NAALADL1: variants seen among roughly 807,000 people sequenced by gnomAD.
NAALADL1 encodes aminopeptidase NAALADL1.
In NAALADL1, 77 loss-of-function variants were observed where a neutral mutation model predicts 82.8. The observed-to-expected ratio is 0.93, with a 90% CI of 0.77 to 1.12. The LOEUF is 1.12. Ranked by LOEUF, NAALADL1 falls within the 50% of genes most tolerant of loss-of-function variation. The pLI is 0.00. For missense variants in NAALADL1, 956 were observed against 964.0 expected (o/e 0.99, Z 0.11); for synonymous variants, 358 against 399.2 (o/e 0.90, Z 1.23).
chr11:65,057,740 G>A (rs1413005695), intron 3 of NAALADL1, 135 bp downstream of exon 3: 1 of 1,373,572 alleles, frequency 7.3e-7, no homozygotes, highest in African/African-American at 1.4e-5. Flanking sequence ...GAGCAGCGAT[G>A]GAGTGTCCCG....
intron 4 of NAALADL1, among the ~76,000 whole-genome samples, chr11:65,055,109 C>T (rs1366048278): frequency 6.6e-6 from 1 of 152,208 alleles, no homozygotes; most frequent in Non-Finnish European, 1.5e-5. Context: ...TGGGCTGTAA[C>T]ATACAATGGA....
At chr11:65,045,561 A>T in intron 17 of NAALADL1, 104 bp from the exon 18 acceptor site, 2 of 1,247,972 alleles carry the variant, frequency 1.6e-6, no homozygotes, top group South Asian at 1.6e-5. Flanking sequence ...CGAGGCAGAA[A>T]AGCACCCCCG....
intron 4 of NAALADL1, among the ~76,000 whole-genome samples, chr11:65,056,321 C>T (rs538835497): frequency 4.6e-5 from 7 of 152,240 alleles, no homozygotes; most frequent in East Asian, 1.9e-4. Flanking sequence ...CTGACAAATC[C>T]GAAACTCGGT....
At position 65,058,218 on chromosome 11, in the gene NAALADL1, C is replaced by T; in HGVS notation, c.218G>A (p.Ser73Asn). 6.2e-7 allele frequency: 1 copy of T among 1,613,668 alleles called. No homozygotes were observed. The highest frequency in any genetic ancestry group is 8.5e-7 in the Non-Finnish European group (1 of 1,179,778). ...ELSREPHLAS[S>N]PRDEDLVQLL... The stretch of plus-strand genomic sequence containing the variant: ...CTGCACCAGGTCCTCATCCCGAGGG[C>T]TGGAGGCCAGGTGTGGCTCCCTGGA... Residue 73 changes from serine to asparagine, a missense_variant, in exon 2 of 18, where the codon AGC (serine) becomes AAC (asparagine). By Grantham distance (46) the Ser-to-Asn change is conservative (BLOSUM62 1). Transcript: ENST00000358658.
intron 8 of NAALADL1, among the ~76,000 whole-genome samples, chr11:65,052,564 G>A (rs902932503): frequency 2.0e-5 from 3 of 152,006 alleles, no homozygotes; most frequent in Non-Finnish European, 2.9e-5. Context: ...TGCCTGCCTC[G>A]GCCTCCCAGA....
Position 65,054,766 on chromosome 11 carries a change from A to T in NAALADL1, c.604-28T>A. 1 of 1,606,016 alleles carries T rather than the reference A, an allele frequency of 6.2e-7. No homozygotes were observed. The highest frequency in any genetic ancestry group is 8.5e-7 in the Non-Finnish European group (1 of 1,175,980). On this transcript the variant is annotated intron_variant, in intron 4 of 17. Transcript: ENST00000358658. This position sits in a 1 kb window ranked among gnomAD's most constrained non-coding sequence, Gnocchi z 4.3. The stretch of plus-strand genomic sequence containing the variant: ...GCAGTGGGCAGAGGAGGCTGTGTGT[A>T]AGGGAGGGACCGGGACCAGATATGT...
chr11:65,059,249 G>A (rs1393285311), upstream of NAALADL1, among the ~76,000 whole-genome samples: 1 of 152,130 alleles, frequency 6.6e-6, no homozygotes, highest in Non-Finnish European at 1.5e-5. Context: ...CTGATCTCAG[G>A]TGATCACCCG....
intron 4 of NAALADL1, among the ~76,000 whole-genome samples, chr11:65,055,208 A>G (rs1947005606): frequency 1.3e-5 from 2 of 152,220 alleles, no homozygotes; most frequent in African/African-American, 4.8e-5. Flanking sequence ...CCTGAGGTCA[A>G]GACCAGCAGG....
chr11:65,051,080 A>G (rs554451491), intron 8 of NAALADL1, among the ~76,000 whole-genome samples: 3 of 152,082 alleles, frequency 2.0e-5, no homozygotes, highest in Non-Finnish European at 2.9e-5. Flanking sequence ...CTATTTTTAC[A>G]TCTCTGTAAG....
chr11:65,058,034 A>G, intron 2 of NAALADL1, 38 bp from the exon 3 acceptor site: 1 of 1,613,570 alleles, frequency 6.2e-7, no homozygotes, highest in Non-Finnish European at 8.5e-7. Context: ...TGGGCCCAGC[A>G]GCTCCCCACC....
rs887909264 is a variant in NAALADL1, at chr11:65,058,451, C to T, written c.71G>A (p.Gly24Asp). The T allele has an allele frequency of 6.2e-7, 1 of 1,613,910 alleles. No individual in the cohort carries two copies. Among genetic ancestry groups the T allele is most frequent in the Non-Finnish European group, 8.5e-7 (1 of 1,179,910 alleles). Reference protein sequence around the residue: ...AALLGLGIILGHFAIPKKANS... With the variant: ...AALLGLGIILDHFAIPKKANS... Reference sequence around the variant, plus strand: ...GGCTTTTTTGGGGATGGCAAAGTGGCCGAGGATGATCCCCAGCCCCAAGAG... The same window carrying T: ...GGCTTTTTTGGGGATGGCAAAGTGGTCGAGGATGATCCCCAGCCCCAAGAG... Residue 24 changes from glycine (G) to aspartate (D), a missense_variant, in exon 1 of 18, where the codon GGC becomes GAC. Transcript: ENST00000358658.
At chr11:65,045,735 C>T (rs933292147) in intron 17 of NAALADL1, 87 bp downstream of exon 17, 2 of 1,324,512 alleles carry the variant, frequency 1.5e-6, no homozygotes, top group African/African-American at 1.5e-5. Flanking sequence ...CTCTAAAGGG[C>T]AGAGAAGCTG....
At chr11:65,046,422 A>G in intron 14 of NAALADL1, 23 bp downstream of exon 14, 1 of 1,614,208 alleles carries the variant, frequency 6.2e-7, no homozygotes, top group Admixed American at 1.7e-5. Context: ...TGGTCTCAGG[A>G]TGCCCCTTGT....
rs1946959842 is a variant in NAALADL1 at position 65,053,830 on chromosome 11, C to A, written c.993-254G>T. 6.6e-6 allele frequency among the ~76,000 whole-genome samples: 1 copy of A among 152,148 alleles called. No homozygotes were observed. Among genetic ancestry groups the A allele is most frequent in the East Asian group, 1.9e-4 (1 of 5,170 alleles). ...AGATGTGGACCTGGTTCTCGTGGGG[C>A]CTCCCTCTCCTGAGTGAGACAGACC... On this transcript the variant is annotated intron_variant, in intron 6 of 17. Coordinates refer to ENST00000358658, the MANE Select transcript of NAALADL1 (RefSeq NM_005468.3). The surrounding 1 kb of genome is among the most constrained non-coding windows in gnomAD (Gnocchi z 4.3).
intron 11 of NAALADL1, 65 bp downstream of exon 11, chr11:65,047,916 G>GAGAC: frequency 1.7e-6 from 1 of 574,494 alleles, no homozygotes; most frequent in Non-Finnish European, 2.7e-6. Flanking sequence ...CACCCGTAGC[G>GAGAC]GCCCCGTCCG....
Position 65,058,121 on chromosome 11 carries a change from C to A in NAALADL1, c.315G>T (p.Leu105=). ...GCTGCTCCTGGCTAGGGAAGGACAG[C>A]AGCACTTCGTACGTGGAGGCCTCGG... ...DSAEASTYEV[L]LSFPSQEQPN... is the part of the protein sequence containing the mutation. Residue 105 remains leucine, a synonymous_variant, in exon 2 of 18, where the codon CTG becomes CTT. Transcript: ENST00000358658. 1 of 1,613,386 alleles carries A rather than the reference C, an allele frequency of 6.2e-7. No individual in the cohort carries two copies. The highest frequency in any genetic ancestry group is 1.7e-5 in the Admixed American group (1 of 59,984).
In NAALADL1 at chr11:65,053,238, A is replaced by G. The variant is rs1420747831; in HGVS notation, c.1178T>C (p.Leu393Pro). 6.4e-7 allele frequency: 1 copy of G among 1,550,510 alleles called. No homozygotes were observed. The highest frequency in any genetic ancestry group is 8.7e-7 in the Non-Finnish European group (1 of 1,147,094). ...CTCACCCTTCTTCAGCAGGGTCCCCAGGACACGGGAGAGCTCCAGGAGGAC... is the reference window on the plus strand; with the variant it reads ...CTCACCCTTCTTCAGCAGGGTCCCCGGGACACGGGAGAGCTCCAGGAGGAC... ...TAVLLELSRVLGTLLKKGTWR... is the reference protein window; with the variant it reads ...TAVLLELSRVPGTLLKKGTWR... The change falls in exon 8 of 18, where the codon CTG becomes CCG. Residue 393 changes from leucine (L) to proline (P), a missense_variant. Coordinates refer to ENST00000358658, the MANE Select transcript of NAALADL1 (RefSeq NM_005468.3). This position sits in a 1 kb window ranked among gnomAD's most constrained non-coding sequence, Gnocchi z 4.3.
intron 8 of NAALADL1, among the ~76,000 whole-genome samples, chr11:65,049,183 G>A (rs952729018): frequency 6.6e-6 from 1 of 152,104 alleles, no homozygotes. Context: ...ACCGCGCCTG[G>A]CTGATTACTG....
chr11:65,051,581 C>T (rs1275426484), intron 8 of NAALADL1, among the ~76,000 whole-genome samples: 1 of 151,956 alleles, frequency 6.6e-6, no homozygotes, highest in African/African-American at 2.4e-5. Flanking sequence ...ATCCGCCCAC[C>T]TCAGCCTTCG....
Sources: allele counts gnomAD v4.1 joint callset (sites outside exome capture counted in the v4.1 genomes callset), GRCh38; gene constraint gnomAD v4.1.1; non-coding constraint Gnocchi (gnomAD v3.1); transcripts MANE v1.5; gene names NCBI Gene and HGNC (gene_info 2026-07-23, HGNC 2026-07-21).